The following KAZN variants were observed in gnomAD, a reference collection of about 807,000 sequenced individuals.
The protein encoded by KAZN is kazrin.
A neutral mutation model predicts 87.4 loss-of-function variants in KAZN; 40 were observed. The observed-to-expected ratio is 0.46, with a 90% CI of 0.36 to 0.60. KAZN has a LOEUF of 0.60. Ranked by LOEUF, KAZN falls within the 20% of genes least tolerant of loss-of-function variation. The probability of loss-of-function intolerance (pLI) is 0.00; values close to 1 mark genes in which losing one functional copy is unlikely to be tolerated. For synonymous variants in KAZN, 466 were observed against 458.3 expected, an observed-to-expected ratio of 1.02 and a Z score of -0.22; for missense variants, 898 against 1,073.9, an observed-to-expected ratio of 0.84 and a Z score of 2.29.
At chr1:14,413,964 G>A (rs1193750090) in intron 2 of KAZN, among the ~76,000 whole-genome samples, 2 of 152,156 alleles carry the variant, frequency 1.3e-5, no homozygotes, top group Non-Finnish European at 2.9e-5. Context: ...TAGTAATCAG[G>A]GAAGTGCAAA....
chr1:15,048,193 G>A (rs552518943), intron 4 of KAZN, among the ~76,000 whole-genome samples: 28 of 152,330 alleles, frequency 1.8e-4, no homozygotes, highest in African/African-American at 4.8e-4. Context: ...CACCCTCTTC[G>A]CTGCTTCACT....
At chr1:14,499,408 T>A (rs964060084) in intron 2 of KAZN, among the ~76,000 whole-genome samples, 1 of 152,202 alleles carries the variant, frequency 6.6e-6, no homozygotes, top group Non-Finnish European at 1.5e-5. Flanking sequence ...GGCTCTGCCA[T>A]GGGATCGATT....
At chr1:14,790,503 A>G (rs1288999421) in intron 1 of KAZN, among the ~76,000 whole-genome samples, 1 of 152,240 alleles carries the variant, frequency 6.6e-6, no homozygotes, top group African/African-American at 2.4e-5. Flanking sequence ...TAGTATATTA[A>G]CAGAGTTGTG....
At chr1:14,803,051 T>G (rs1332519061) in intron 1 of KAZN, among the ~76,000 whole-genome samples, 1 of 152,208 alleles carries the variant, frequency 6.6e-6, no homozygotes. Context: ...ACATTATGTA[T>G]GCAAATGTGA....
chr1:14,620,847 G>A (rs1459476930), intron 1 of KAZN, among the ~76,000 whole-genome samples: 1 of 152,186 alleles, frequency 6.6e-6, no homozygotes, highest in African/African-American at 2.4e-5. Flanking sequence ...GATCCTCAGA[G>A]GTGACGCCTT....
chr1:15,057,174 G>C (rs1419541408), intron 5 of KAZN, among the ~76,000 whole-genome samples: 1 of 152,222 alleles, frequency 6.6e-6, no homozygotes, highest in Non-Finnish European at 1.5e-5. Flanking sequence ...TGAGTCATTG[G>C]GACGAAGGGG....
At chr1:14,194,731 G>C (rs1208150959) in intron 2 of KAZN, among the ~76,000 whole-genome samples, 1 of 152,154 alleles carries the variant, frequency 6.6e-6, no homozygotes, top group Admixed American at 6.5e-5. Flanking sequence ...GGATAGGAGG[G>C]CATGGGCCCT....
chr1:14,797,725 T>TG (rs1645873064), intron 1 of KAZN, among the ~76,000 whole-genome samples: 2 of 152,184 alleles, frequency 1.3e-5, no homozygotes, highest in Admixed American at 6.5e-5. Context: ...AGCTCCACCT[T>TG]GGACTAGTTA....
At chr1:14,746,698 C>T (rs1644270093) in intron 1 of KAZN, among the ~76,000 whole-genome samples, 1 of 151,980 alleles carries the variant, frequency 6.6e-6, no homozygotes, top group African/African-American at 2.4e-5. Flanking sequence ...TCTTGCAGGT[C>T]CTTGAGTGTC....
intron 1 of KAZN, among the ~76,000 whole-genome samples, chr1:13,923,633 G>A (rs1198238071): frequency 6.6e-6 from 1 of 151,136 alleles, no homozygotes; most frequent in Non-Finnish European, 1.5e-5. Context: ...TCATCATAAA[G>A]GTCATCATCC....
intron 2 of KAZN, among the ~76,000 whole-genome samples, chr1:14,572,203 G>A (rs1557808482): frequency 6.6e-6 from 1 of 152,182 alleles, no homozygotes; most frequent in South Asian, 2.1e-4. Context: ...TGGCTCTACA[G>A]GTTATTTCAG....
At position 15,099,520 on chromosome 1, in the gene KAZN, T is replaced by C. The variant is rs560195726; in HGVS notation, c.1548-2023T>C. Among the ~76,000 whole-genome samples, 1 of 151,982 alleles carries C rather than the reference T, an allele frequency of 6.6e-6. No individual in the cohort carries two copies. Among genetic ancestry groups the C allele is most frequent in the Admixed American group, 6.5e-5 (1 of 15,282 alleles). On this transcript the variant is annotated intron_variant, in intron 10 of 14. Coordinates refer to ENST00000376030, the MANE Select transcript of KAZN (RefSeq NM_201628.3). This position sits in a 1 kb window ranked among gnomAD's most constrained non-coding sequence, Gnocchi z 5.4. ...GAGGAGGGGTGAGCCCTGGGCAGGG[T>C]TGCAAGGGGCTGGCCGGGGAGGGGA... is the stretch of plus-strand genomic sequence containing the variant.
intron 1 of KAZN, among the ~76,000 whole-genome samples, chr1:14,936,204 G>A (rs1660437198): frequency 6.6e-6 from 1 of 152,204 alleles, no homozygotes; most frequent in Non-Finnish European, 1.5e-5. Context: ...GTCCCTGTTT[G>A]GTGAAATGAA....
At chr1:14,742,911 C>T (rs1034151485) in intron 1 of KAZN, among the ~76,000 whole-genome samples, 1 of 152,200 alleles carries the variant, frequency 6.6e-6, no homozygotes, top group Non-Finnish European at 1.5e-5. Flanking sequence ...AGACTTCCTC[C>T]TCTCTGTAAC....
rs1644519028 is a variant in KAZN at position 14,112,400 on chromosome 1, C to CTA, written c.92-68035_92-68034insTA. Among the ~76,000 whole-genome samples the CTA allele has an allele frequency of 5.1e-5, 4 of 77,948 alleles. 1 individual carries two copies. Among genetic ancestry groups the CTA allele is most frequent in the South Asian group, 4.4e-4 (1 of 2,282 alleles). The allele number at this position is 77,948 out of a possible 152,430, so 51.1% of individuals were successfully genotyped here. A position where few individuals can be genotyped will look rare whatever the true frequency, so the allele number is the denominator to read the frequency against. On this transcript the variant is annotated intron_variant, in intron 1 of 16. Transcript: ENST00000636203. ...CCACCGTTACTTGGGTGAGGAGCTG[C>CTA]CTGCATCCCTCCCACTCCTCTTTGG... is the stretch of plus-strand genomic sequence containing the variant.
intron 2 of KAZN, among the ~76,000 whole-genome samples, chr1:14,462,332 T>C (rs61771908): frequency 0.11 from 17,284 of 152,004 alleles, 1,115 homozygotes; most frequent in Middle Eastern, 0.21. Flanking sequence ...ACCTGGGTCC[T>C]GGAAGCTTTC....
rs1241309006 is a variant in KAZN, at chr1:14,820,617, C to T, written c.227-140067C>T. 6.6e-6 allele frequency among the ~76,000 whole-genome samples: 1 copy of T among 152,232 alleles called. No individual in the cohort carries two copies. The highest frequency in any genetic ancestry group is 2.4e-5 in the African/African-American group (1 of 41,460). On this transcript the variant is annotated intron_variant, in intron 1 of 14. Coordinates refer to ENST00000376030, the MANE Select transcript of KAZN (RefSeq NM_201628.3). The surrounding 1 kb of genome is among the most constrained non-coding windows in gnomAD (Gnocchi z 4.1). Reference sequence around the variant, plus strand: ...AGTTGGCAATGCCTGGCCACGTGTGCTCTGTGGTCTTTGAACTTGATCTGG... The same window carrying T: ...AGTTGGCAATGCCTGGCCACGTGTGTTCTGTGGTCTTTGAACTTGATCTGG...
intron 1 of KAZN, among the ~76,000 whole-genome samples, chr1:14,957,843 C>T (rs59198881): frequency 0.012 from 1,880 of 152,294 alleles, 30 homozygotes; most frequent in African/African-American, 0.043. Flanking sequence ...CTGTCGGCAC[C>T]GAGTGAGATG....
intron 2 of KAZN, among the ~76,000 whole-genome samples, chr1:14,251,352 T>C (rs989971934): frequency 6.6e-6 from 1 of 152,230 alleles, no homozygotes; most frequent in Non-Finnish European, 1.5e-5. Context: ...CGGCATAGCC[T>C]TGTCCTTGCA....
Sources: allele counts gnomAD v4.1 joint callset (sites outside exome capture counted in the v4.1 genomes callset), GRCh38; gene constraint gnomAD v4.1.1; non-coding constraint Gnocchi (gnomAD v3.1); transcripts MANE v1.5; gene names NCBI Gene and HGNC (gene_info 2026-07-23, HGNC 2026-07-21).